Variants in MYH11 observed in about 807,000 individuals in gnomAD.
The protein encoded by MYH11 is myosin-11.
In MYH11, 80 loss-of-function variants were observed where a neutral mutation model predicts 246.6. The ratio of observed to expected loss-of-function variants is 0.32; its 90% CI spans 0.27 to 0.39. The LOEUF (loss-of-function observed/expected upper bound fraction) is 0.39. Ranked by LOEUF, MYH11 falls within the 10% of genes least tolerant of loss-of-function variation. The pLI is 1.00. For synonymous variants in MYH11, 1,071 were observed against 1,015.5 expected (o/e 1.05, Z -1.04); for missense variants, 2,158 against 2,546.8 (o/e 0.85, Z 3.29).
rs794728675 is a variant in MYH11 at position 15,763,888 on chromosome 16, A to G, written c.1037T>C (p.Ile346Thr). The change falls in exon 10 of 41, where the codon ATA becomes ACA. Residue 346 changes from isoleucine to threonine, a missense_variant. Transcript: ENST00000300036. Reference protein sequence around the residue: ...MGFSEEEQLSILKVVSSVLQL... With the variant: ...MGFSEEEQLSTLKVVSSVLQL... ...CAGGACCGATGATACCACCTTCAAT[A>G]TGGCTGAGGTGGGGAGAGAAGGGCA... is the stretch of plus-strand genomic sequence containing the variant. The G allele has an allele frequency of 2.7e-5, 43 of 1,611,850 alleles. No homozygotes were observed. The highest frequency in any genetic ancestry group is 3.4e-5 in the Non-Finnish European group (40 of 1,178,234).
At chr16:15,782,072 G>T (rs1011462046) in intron 6 of MYH11, among the ~76,000 whole-genome samples, 12 of 152,144 alleles carry the variant, frequency 7.9e-5, no homozygotes, top group Non-Finnish European at 1.2e-4. Flanking sequence ...ATAGAGATGG[G>T]ATCTCGCTTT....
At position 15,738,651 on chromosome 16, in the gene MYH11, G is replaced by A. The variant is rs373881911; in HGVS notation, c.3035C>T (p.Thr1012Met). 67 of 1,613,692 alleles carry A rather than the reference G, an allele frequency of 4.2e-5. No homozygotes were observed. Among genetic ancestry groups the A allele is most frequent in the Non-Finnish European group, 4.8e-5 (57 of 1,179,770 alleles). ...TTCTTCCTCTTCTGCAAGATTTGTC[G>A]TTAAGTCACTAATCCTCTCCTCAAG... ...KLLEERISDL[T>M]TNLAEEEEKA... The change falls in exon 24 of 41, where the codon ACG (threonine) becomes ATG (methionine). Residue 1012 changes from threonine to methionine, a missense_variant. Physicochemically the swap from Thr to Met is moderately conservative, Grantham distance 81 (BLOSUM62 -1). Coordinates refer to ENST00000300036, the MANE Select transcript of MYH11 (RefSeq NM_002474.3).
intron 3 of MYH11, among the ~76,000 whole-genome samples, chr16:15,811,092 A>G (rs962553426): frequency 6.6e-6 from 1 of 152,130 alleles, no homozygotes; most frequent in Non-Finnish European, 1.5e-5. Flanking sequence ...TTCAATCCTC[A>G]TTGGGGGAGA....
At chr16:15,802,716 TG>T (rs2042915735) in intron 3 of MYH11, among the ~76,000 whole-genome samples, 1 of 152,174 alleles carries the variant, frequency 6.6e-6, no homozygotes, top group South Asian at 2.1e-4. Flanking sequence ...CCCAAAGTGC[TG>T]GGATTACAGG....
rs1555569336 is a variant in MYH11 at position 15,788,077 on chromosome 16, C to CTTTTTTTTTTTTTTTTTTTT, written c.531-1346_531-1345insAAAAAAAAAAAAAAAAAAAA. Among the ~76,000 whole-genome samples the CTTTTTTTTTTTTTTTTTTTT allele has an allele frequency of 2.5e-4, 14 of 55,366 alleles. 2 individuals carry two copies. The highest frequency in any genetic ancestry group is 4.3e-4 in the African/African-American group (7 of 16,180). The allele number at this position is 55,366 out of a possible 152,430, so 36.3% of individuals were successfully genotyped here. ...GTCCTCCTGGAATATGAAGGTAGATCTTTTTTTTTTTTTTTTTTACCAAGA... is the reference window on the plus strand; with the variant it reads ...GTCCTCCTGGAATATGAAGGTAGATCTTTTTTTTTTTTTTTTTTTTTTTTTTTTTTTTTTTTTTACCAAGA... On this transcript the variant is annotated intron_variant, in intron 4 of 40. Transcript: ENST00000300036.
intron 26 of MYH11, among the ~76,000 whole-genome samples, 177 bp downstream of exon 26, chr16:15,735,189 A>AG (rs1448300500): frequency 2.0e-5 from 3 of 151,942 alleles, no homozygotes; most frequent in African/African-American, 4.8e-5. Context: ...AAAAAAAAAA[A>AG]AAAGAAAGAA....
At chr16:15,807,230 T>G (rs1470585972) in intron 3 of MYH11, among the ~76,000 whole-genome samples, 2 of 152,162 alleles carry the variant, frequency 1.3e-5, no homozygotes, top group Non-Finnish European at 2.9e-5. Context: ...TGGCCTCAAG[T>G]GATCCTCCCG....
intron 22 of MYH11, 121 bp downstream of exon 22, chr16:15,741,342 C>T (rs1267202756): frequency 1.7e-6 from 2 of 1,162,648 alleles, no homozygotes; most frequent in Non-Finnish European, 2.6e-6. Flanking sequence ...CAACCCTCTC[C>T]AAGCCCCCGT....
chr16:15,707,360 T>A (rs920515881), intron 40 of MYH11, among the ~76,000 whole-genome samples: 1 of 152,146 alleles, frequency 6.6e-6, no homozygotes, highest in Non-Finnish European at 1.5e-5. Flanking sequence ...GGACTCAGCT[T>A]ATCCAAGGCC....
chr16:15,732,438 T>G, intron 27 of MYH11, 126 bp downstream of exon 27: 2 of 1,371,162 alleles, frequency 1.5e-6, no homozygotes, highest in Non-Finnish European at 2.1e-6. Context: ...TAAGCTGCTA[T>G]CATCATCATT....
At chr16:15,761,589 C>A (rs1171197024) in intron 10 of MYH11, among the ~76,000 whole-genome samples, 6 of 152,148 alleles carry the variant, frequency 3.9e-5, no homozygotes, top group Non-Finnish European at 7.3e-5. Context: ...GAGATGCAGT[C>A]TTCCTGTCGC....
At chr16:15,821,879 C>A (rs2043421542) in intron 3 of MYH11, among the ~76,000 whole-genome samples, 1 of 114,162 alleles carries the variant, frequency 8.8e-6, no homozygotes, top group Non-Finnish European at 1.9e-5. Context: ...GATTGCGCCA[C>A]TGCAGTCCGC....
At chr16:15,841,702 C>G (rs2044056485) in intron 1 of MYH11, among the ~76,000 whole-genome samples, 1 of 152,212 alleles carries the variant, frequency 6.6e-6, no homozygotes. Context: ...GCCCCCCGTT[C>G]CTGACTCTCT....
intron 4 of MYH11, among the ~76,000 whole-genome samples, chr16:15,796,053 A>C (rs1270244945): frequency 6.6e-6 from 1 of 152,198 alleles, no homozygotes; most frequent in Non-Finnish European, 1.5e-5. Flanking sequence ...CAGGGAGCTT[A>C]AGAGACTGCT....
chr16:15,761,673 T>C (rs1294677134), intron 10 of MYH11, among the ~76,000 whole-genome samples: 2 of 152,232 alleles, frequency 1.3e-5, no homozygotes, highest in Non-Finnish European at 2.9e-5. Flanking sequence ...CTGCTTTGCA[T>C]GTGCAAGGCA....
chr16:15,741,292 T>A, intron 22 of MYH11, 171 bp downstream of exon 22: 1 of 763,096 alleles, frequency 1.3e-6, no homozygotes, highest in Non-Finnish European at 2.3e-6. Flanking sequence ...CTCACTGTGT[T>A]CCAGTCCCAA....
chr16:15,736,501 A>C (rs944726752), intron 25 of MYH11, among the ~76,000 whole-genome samples: 8 of 152,126 alleles, frequency 5.3e-5, no homozygotes, highest in Non-Finnish European at 8.8e-5. Context: ...TTGGTCTCAA[A>C]CTGCTGGCCT....
chr16:15,811,201 G>A (rs1344564030), intron 3 of MYH11, among the ~76,000 whole-genome samples: 1 of 152,098 alleles, frequency 6.6e-6, no homozygotes, highest in Non-Finnish European at 1.5e-5. Context: ...GGACTTCCCA[G>A]CCTCCAGAAC....
intron 24 of MYH11, 44 bp downstream of exon 24, chr16:15,738,521 A>C (rs1042345685): frequency 1.3e-6 from 2 of 1,556,994 alleles, no homozygotes; most frequent in Non-Finnish European, 1.7e-6. Flanking sequence ...TCTAAAAAAA[A>C]TAATAAAATA....
Sources: gnomAD v4.1 joint callset for allele counts (sites outside exome capture counted in the v4.1 genomes callset) on GRCh38, gnomAD v4.1.1 for gene constraint, MANE v1.5 for transcripts, NCBI Gene and HGNC (gene_info 2026-07-23, HGNC 2026-07-21) for gene names.